The following CATSPERT variants were observed in gnomAD, a reference collection of about 807,000 sequenced individuals.
CATSPERT encodes catsper channel auxiliary subunit tau, also known as cation channel sperm-associated targeting subunit tau.
At chr2:201,550,846 C>T in the CATSPERT span, 63,983 of 151,986 alleles carry the variant, frequency 0.42, 14,092 homozygotes, top group East Asian at 0.75. Flanking sequence ...TGAGCAGGAA[C>T]AGTAACTACT....
the CATSPERT span, among the ~76,000 whole-genome samples, chr2:201,541,531 TTATATATATATATATATATATA>T: frequency 0.021 from 1,909 of 92,734 alleles, 100 homozygotes; most frequent in African/African-American, 0.072. Flanking sequence ...TCAGATGATT[TTATATATATATATATATATATA>T]TATATATATA....
At chr2:201,519,494 T>C in the CATSPERT span, among the ~76,000 whole-genome samples, 1 of 151,776 alleles carries the variant, frequency 6.6e-6, no homozygotes, top group African/African-American at 2.4e-5. Flanking sequence ...ACGATAATTA[T>C]CTAGTAACAG....
At chr2:201,540,448 T>A in the CATSPERT span, among the ~76,000 whole-genome samples, 1 of 152,214 alleles carries the variant, frequency 6.6e-6, no homozygotes, top group African/African-American at 2.4e-5. Flanking sequence ...AGCTGCTGAT[T>A]TTAAATTGAA....
At chr2:201,577,575 C>A in the CATSPERT span, among the ~76,000 whole-genome samples, 8 of 152,314 alleles carry the variant, frequency 5.3e-5, no homozygotes, top group East Asian at 1.5e-3. Context: ...AAAGGAAATT[C>A]TGTCATTTGT....
the CATSPERT span, among the ~76,000 whole-genome samples, chr2:201,531,653 T>G: frequency 6.6e-6 from 1 of 152,068 alleles, no homozygotes; most frequent in African/African-American, 2.4e-5. Flanking sequence ...CTAAATGGTG[T>G]GAATGAATGA....
chr2:201,560,718 CT>C, the CATSPERT span, among the ~76,000 whole-genome samples: 1 of 151,904 alleles, frequency 6.6e-6, no homozygotes, highest in Non-Finnish European at 1.5e-5. Flanking sequence ...CCTGAACAAA[CT>C]TGGAAGAGGA....
At chr2:201,583,512 T>C in the CATSPERT span, among the ~76,000 whole-genome samples, 1 of 152,234 alleles carries the variant, frequency 6.6e-6, no homozygotes, top group African/African-American at 2.4e-5. Context: ...ATGGTTTACA[T>C]GGTAAACATT....
the CATSPERT span, among the ~76,000 whole-genome samples, chr2:201,503,827 G>T: frequency 6.6e-6 from 1 of 152,096 alleles, no homozygotes; most frequent in African/African-American, 2.4e-5. Context: ...CTTGGAATTA[G>T]TTGGGTTCTT....
the CATSPERT span, among the ~76,000 whole-genome samples, chr2:201,533,688 T>G: frequency 6.6e-6 from 1 of 152,160 alleles, no homozygotes; most frequent in South Asian, 2.1e-4. Context: ...ATATTTTGCA[T>G]GTGGGAGGAA....
the CATSPERT span, chr2:201,494,093 G>T: frequency 1.3e-6 from 2 of 1,534,414 alleles, no homozygotes; most frequent in Non-Finnish European, 1.7e-6. Context: ...TTAATTATTT[G>T]ACTTAAAGTA....
chr2:201,579,689 T>C, the CATSPERT span, among the ~76,000 whole-genome samples: 1 of 152,054 alleles, frequency 6.6e-6, no homozygotes, highest in Non-Finnish European at 1.5e-5. Context: ...TTGGTTTTTT[T>C]TTTAATGACC....
At chr2:201,538,471 C>T in the CATSPERT span, among the ~76,000 whole-genome samples, 93,683 of 151,964 alleles carry the variant, frequency 0.62, 30,522 homozygotes, top group East Asian at 0.95. Flanking sequence ...AGCAAGACTA[C>T]TGGTGCCATT....
chr2:201,611,725 G>A, the CATSPERT span, among the ~76,000 whole-genome samples: 74 of 151,788 alleles, frequency 4.9e-4, no homozygotes, highest in African/African-American at 1.8e-3. Flanking sequence ...TGAATTATGA[G>A]AAAATATTTG....
chr2:201,569,268 C>T, the CATSPERT span, among the ~76,000 whole-genome samples: 1 of 152,226 alleles, frequency 6.6e-6, no homozygotes, highest in Non-Finnish European at 1.5e-5. Context: ...GAGGCCATGA[C>T]TCTGTTTTTA....
the CATSPERT span, chr2:201,555,704 T>C: frequency 6.6e-6 from 1 of 152,170 alleles, no homozygotes; most frequent in African/African-American, 2.4e-5. Context: ...TGAAATATGC[T>C]CTTCATTCAA....
the CATSPERT span, chr2:201,604,544 G>A: frequency 9.7e-7 from 1 of 1,025,850 alleles, no homozygotes; most frequent in South Asian, 1.7e-5. Flanking sequence ...ACCATTTTCT[G>A]CATATACTGT....
the CATSPERT span, among the ~76,000 whole-genome samples, chr2:201,577,461 G>T: frequency 6.6e-6 from 1 of 152,186 alleles, no homozygotes; most frequent in African/African-American, 2.4e-5. Context: ...ATGTCAGCAC[G>T]ATAGCCAAGA....
the CATSPERT span, among the ~76,000 whole-genome samples, chr2:201,507,073 A>G: frequency 2.0e-5 from 3 of 152,228 alleles, no homozygotes; most frequent in African/African-American, 7.2e-5. Context: ...AAATATTAGA[A>G]GTCAGGAAAC....
chr2:201,604,296 A>T, the CATSPERT span, among the ~76,000 whole-genome samples: 1 of 152,092 alleles, frequency 6.6e-6, no homozygotes, highest in African/African-American at 2.4e-5. Context: ...GCTCAGTAAA[A>T]TTACTGATTC....
Sources: gnomAD v4.1 joint callset for allele counts (sites outside exome capture counted in the v4.1 genomes callset) on GRCh38, gnomAD v4.1.1 for gene constraint, MANE v1.5 for transcripts, NCBI Gene and HGNC (gene_info 2026-07-23, HGNC 2026-07-21) for gene names.